Variants in TMEM255B observed in about 807,000 individuals in gnomAD.
The protein encoded by TMEM255B is transmembrane protein 255B.
A neutral mutation model predicts 34.5 loss-of-function variants in TMEM255B; 35 were observed. The observed-to-expected ratio is 1.01, with a 90% confidence interval of 0.77 to 1.34. The LOEUF (loss-of-function observed/expected upper bound fraction) is 1.34. TMEM255B is among the 40% of genes most tolerant of loss of function. The probability of loss-of-function intolerance (pLI) is 0.00; values close to 1 mark genes in which losing one functional copy is unlikely to be tolerated. For synonymous variants in TMEM255B, 206 were observed against 201.2 expected (o/e 1.02, Z -0.20); for missense variants, 432 against 433.2 (o/e 1.00, Z 0.02).
intron 3 of TMEM255B, among the ~76,000 whole-genome samples, chr13:113,788,540 C>T (rs2050778294): frequency 6.6e-6 from 1 of 152,054 alleles, no homozygotes. Context: ...CCTGTGTCTC[C>T]TCCTGCCACA....
At chr13:113,810,023 G>A (rs1346205150) in intron 8 of TMEM255B, among the ~76,000 whole-genome samples, 6 of 152,170 alleles carry the variant, frequency 3.9e-5, no homozygotes, top group African/African-American at 1.4e-4. Context: ...CTGAGGAAGG[G>A]CCCCATTCTC....
chr13:113,779,618 GCTCT>G (rs571494167), intron 3 of TMEM255B, among the ~76,000 whole-genome samples: 4 of 150,510 alleles, frequency 2.7e-5, no homozygotes, highest in Non-Finnish European at 5.9e-5. Flanking sequence ...TCCTGGAAGC[GCTCT>G]CTGTTTGGGG....
intron 7 of TMEM255B, among the ~76,000 whole-genome samples, chr13:113,804,553 T>C (rs1166144928): frequency 6.6e-6 from 1 of 152,030 alleles, no homozygotes; most frequent in East Asian, 1.9e-4. Context: ...AGAACCTCAG[T>C]GTAAAGCTAC....
In TMEM255B at chr13:113,770,417, C is replaced by T. The variant is rs7489420; in HGVS notation, c.252+1257C>T. 0.51 allele frequency among the ~76,000 whole-genome samples: 78,049 copies of T among 151,950 alleles called. 21,318 individuals carry two copies. Among genetic ancestry groups the T allele is most frequent in the South Asian group, 0.79 (3,811 of 4,810 alleles). On this transcript the variant is annotated intron_variant, in intron 3 of 8. Coordinates refer to ENST00000375353, the MANE Select transcript of TMEM255B (RefSeq NM_182614.4). This position sits in a 1 kb window ranked among gnomAD's most constrained non-coding sequence, Gnocchi z 4.6. ...TGAGGACACAGCCAAACCATATCAC[C>T]CCGCATGGGACCCAGCAAACTCCCA...
At position 113,806,691 on chromosome 13, in the gene TMEM255B, C is replaced by T. The variant is rs1307411034; in HGVS notation, c.813+1663C>T. On this transcript the variant is annotated intron_variant, in intron 8 of 8. Coordinates refer to ENST00000375353, the MANE Select transcript of TMEM255B (RefSeq NM_182614.4). The surrounding 1 kb of genome is among the most constrained non-coding windows in gnomAD (Gnocchi z 4.2). ...TTCATCCTTCCCCAAGCCTCCTGCC[C>T]CTGCCCCAGGGACGTCCCCATCATG... Among the ~76,000 whole-genome samples, 1 of 152,180 alleles carries T rather than the reference C, an allele frequency of 6.6e-6. No individual in the cohort carries two copies. The highest frequency in any genetic ancestry group is 1.5e-5 in the Non-Finnish European group (1 of 68,018).
At chr13:113,765,878 G>A (rs926784153) in intron 1 of TMEM255B, among the ~76,000 whole-genome samples, 4 of 152,244 alleles carry the variant, frequency 2.6e-5, no homozygotes, top group African/African-American at 9.6e-5. Context: ...TTCTGTGACA[G>A]TTAGAATTAG....
At chr13:113,805,951 A>T (rs2051163192) in intron 8 of TMEM255B, among the ~76,000 whole-genome samples, 1 of 152,200 alleles carries the variant, frequency 6.6e-6, no homozygotes, top group Admixed American at 6.5e-5. Context: ...AGCCCGATGA[A>T]GCTGCAGATT....
chr13:113,763,660 C>G (rs2050343224), intron 1 of TMEM255B, among the ~76,000 whole-genome samples: 3 of 152,192 alleles, frequency 2.0e-5, no homozygotes, highest in African/African-American at 7.2e-5. Flanking sequence ...ATTTAGGTTA[C>G]CATGAATTTT....
intron 8 of TMEM255B, among the ~76,000 whole-genome samples, chr13:113,805,817 C>T (rs1026933731): frequency 1.3e-5 from 2 of 152,168 alleles, no homozygotes; most frequent in African/African-American, 2.4e-5. Context: ...CAGTTGAGAA[C>T]CCTGGTCCTG....
chr13:113,790,251 C>A (rs1365761324), intron 3 of TMEM255B, among the ~76,000 whole-genome samples: 1 of 119,168 alleles, frequency 8.4e-6, no homozygotes, highest in African/African-American at 2.7e-5. Context: ...GGCACGTGGG[C>A]ATCCTAACAC....
intron 3 of TMEM255B, among the ~76,000 whole-genome samples, chr13:113,772,899 A>T (rs893077609): frequency 6.6e-6 from 1 of 152,146 alleles, no homozygotes; most frequent in Non-Finnish European, 1.5e-5. Flanking sequence ...TTGCAATTCC[A>T]TATGAATTTT....
intron 3 of TMEM255B, among the ~76,000 whole-genome samples, chr13:113,783,340 G>A (rs1228541681): frequency 6.6e-6 from 1 of 152,166 alleles, no homozygotes; most frequent in African/African-American, 2.4e-5. Context: ...TCTCTACGGG[G>A]CCTGCATCGT....
chr13:113,799,976 G>A (rs566286166), intron 5 of TMEM255B: 23 of 1,269,002 alleles, frequency 1.8e-5, no homozygotes, highest in Middle Eastern at 2.9e-4. Flanking sequence ...CTCAGCACGC[G>A]TGTCAGAGGA....
intron 1 of TMEM255B, among the ~76,000 whole-genome samples, chr13:113,762,124 G>A (rs1223287040): frequency 2.0e-5 from 3 of 147,412 alleles, no homozygotes; most frequent in Non-Finnish European, 4.5e-5. Flanking sequence ...AAAAATCAAG[G>A]AAATTATTCA....
rs532599085 is a variant in TMEM255B at position 113,806,121 on chromosome 13, C to G, written c.813+1093C>G. Reference sequence around the variant, plus strand: ...CAGGAAAAGATCTTCCTTAGAGGGACATCCGGGGGAGGCCTGTGCACACTC... The same window carrying G: ...CAGGAAAAGATCTTCCTTAGAGGGAGATCCGGGGGAGGCCTGTGCACACTC... On this transcript the variant is annotated intron_variant, in intron 8 of 8. Coordinates refer to ENST00000375353, the MANE Select transcript of TMEM255B (RefSeq NM_182614.4). The surrounding 1 kb of genome is among the most constrained non-coding windows in gnomAD (Gnocchi z 4.2). 2.2e-4 allele frequency among the ~76,000 whole-genome samples: 34 copies of G among 152,316 alleles called. No homozygotes were observed. The highest frequency in any genetic ancestry group is 7.7e-4 in the African/African-American group (32 of 41,568).
At chr13:113,786,688 C>A (rs1266307021) in intron 3 of TMEM255B, among the ~76,000 whole-genome samples, 1 of 152,098 alleles carries the variant, frequency 6.6e-6, no homozygotes, top group Non-Finnish European at 1.5e-5. Flanking sequence ...TCACCATCAC[C>A]GTCATCACTG....
At chr13:113,773,939 G>A (rs2050517025) in intron 3 of TMEM255B, among the ~76,000 whole-genome samples, 1 of 152,192 alleles carries the variant, frequency 6.6e-6, no homozygotes, top group African/African-American at 2.4e-5. Context: ...GGCTGTCAAC[G>A]TCAGCTACAG....
intron 8 of TMEM255B, among the ~76,000 whole-genome samples, chr13:113,805,550 C>T (rs1460726691): frequency 1.3e-5 from 2 of 152,222 alleles, no homozygotes; most frequent in Non-Finnish European, 2.9e-5. Context: ...GATTTCCACT[C>T]CTGGGCATGA....
At chr13:113,779,367 C>T (rs549162410) in intron 3 of TMEM255B, among the ~76,000 whole-genome samples, 8 of 152,256 alleles carry the variant, frequency 5.3e-5, no homozygotes, top group Admixed American at 3.3e-4. Context: ...GTGGTCCTTA[C>T]GGGGCACTGA....
Sources: gnomAD v4.1 joint callset for allele counts (sites outside exome capture counted in the v4.1 genomes callset) on GRCh38, gnomAD v4.1.1 for gene constraint, Gnocchi (gnomAD v3.1) non-coding constraint, MANE v1.5 for transcripts, NCBI Gene and HGNC (gene_info 2026-07-23, HGNC 2026-07-21) for gene names.